Variants in FER observed in about 807,000 individuals in gnomAD.
FER encodes the protein tyrosine-protein kinase Fer.
A neutral mutation model predicts 111.0 loss-of-function variants in FER; 63 were observed. That is an observed-to-expected ratio of 0.57 (90% CI 0.46 to 0.70). The LOEUF (loss-of-function observed/expected upper bound fraction) is 0.70. FER is among the 30% of genes least tolerant of loss of function. FER has a pLI of 0.00. For missense variants in FER, 914 were observed against 954.0 expected (o/e 0.96, Z 0.55); for synonymous variants, 327 against 313.9 (o/e 1.04, Z -0.44).
chr5:109,067,255 TTGTTGTTGC>T lies in FER; in HGVS notation c.1924+20063_1924+20071del, dbSNP rs1346049298. 6.6e-5 allele frequency among the ~76,000 whole-genome samples: 10 copies of T among 151,764 alleles called. No homozygotes were observed. The South Asian group carries it at 8.3e-4, about 13-fold the overall frequency. ...GTTGTTGTTGTTGTTGTTGTTGTTG[TTGTTGTTGC>T]TGTTGCTGCTGCTGCTGCTGTTTTT... On this transcript the variant is annotated intron_variant, in intron 16 of 19. Coordinates refer to ENST00000281092, the MANE Select transcript of FER (RefSeq NM_005246.4).
chr5:108,987,611 G>A (rs1327491395), intron 13 of FER, among the ~76,000 whole-genome samples: 3 of 152,094 alleles, frequency 2.0e-5, no homozygotes, highest in Admixed American at 6.6e-5. Context: ...GTTGGTGTGT[G>A]GAAGAGCTAC....
At chr5:108,971,179 T>C (rs1760604611) in intron 13 of FER, among the ~76,000 whole-genome samples, 1 of 145,792 alleles carries the variant, frequency 6.9e-6, no homozygotes, top group Admixed American at 7.4e-5. Flanking sequence ...AATGTTAAAA[T>C]AGGAGTAGAA....
chr5:108,802,495 T>G (rs1163013564), intron 3 of FER, among the ~76,000 whole-genome samples: 1 of 152,082 alleles, frequency 6.6e-6, no homozygotes, highest in East Asian at 1.9e-4. Context: ...TTTTTCAGCC[T>G]TTCCCCCCGT....
intron 10 of FER, among the ~76,000 whole-genome samples, chr5:108,945,459 G>A (rs1209441576): frequency 6.6e-6 from 1 of 151,768 alleles, no homozygotes; most frequent in African/African-American, 2.4e-5. Context: ...CCTTCATTAT[G>A]GTATATGATA....
At chr5:108,750,037 A>T (rs1750292950) in intron 1 of FER, among the ~76,000 whole-genome samples, 1 of 152,172 alleles carries the variant, frequency 6.6e-6, no homozygotes, top group Non-Finnish European at 1.5e-5. Context: ...AACCTTTTTA[A>T]TTCAGAAGTT....
chr5:108,973,158 C>A (rs1298616295), intron 13 of FER, among the ~76,000 whole-genome samples: 2 of 152,058 alleles, frequency 1.3e-5, no homozygotes, highest in Admixed American at 6.6e-5. Context: ...CCTGTATTAA[C>A]CCATTTGAAA....
chr5:109,042,334 C>A (rs776663821), intron 14 of FER, among the ~76,000 whole-genome samples: 6 of 152,110 alleles, frequency 3.9e-5, no homozygotes, highest in African/African-American at 1.4e-4. Context: ...TTCAGAATCT[C>A]AATTCTGTCA....
chr5:108,862,143 A>T (rs1763584300), intron 5 of FER, among the ~76,000 whole-genome samples: 1 of 152,202 alleles, frequency 6.6e-6, no homozygotes, highest in Non-Finnish European at 1.5e-5. Flanking sequence ...TTATTTTAAT[A>T]CAATAGATTC....
chr5:109,013,844 AT>A (rs1766657982), intron 13 of FER, among the ~76,000 whole-genome samples: 1 of 150,100 alleles, frequency 6.7e-6, no homozygotes, highest in Admixed American at 6.6e-5. Flanking sequence ...GATGGTGAGC[AT>A]TTTTTCATGT....
intron 17 of FER, among the ~76,000 whole-genome samples, chr5:109,122,575 T>C (rs1157147959): frequency 6.6e-6 from 1 of 152,040 alleles, no homozygotes; most frequent in Non-Finnish European, 1.5e-5. Flanking sequence ...TGTAAATATC[T>C]ATTAGGTCCA....
At chr5:108,794,535 C>CCG (rs1554066093) in intron 2 of FER, among the ~76,000 whole-genome samples, 26 of 139,238 alleles carry the variant, frequency 1.9e-4, no homozygotes, top group African/African-American at 6.0e-4. Flanking sequence ...CACCCCCCCC[C>CCG]CTCCCCGCAC....
At chr5:108,785,524 A>G in intron 2 of FER, 1 of 556,886 alleles carries the variant, frequency 1.8e-6, no homozygotes, top group Non-Finnish European at 3.6e-6. Context: ...ACCTGGTGTG[A>G]GTGTGGCAGG....
chr5:109,021,857 C>A (rs1767972899), intron 13 of FER, among the ~76,000 whole-genome samples: 1 of 151,852 alleles, frequency 6.6e-6, no homozygotes, highest in Non-Finnish European at 1.5e-5. Flanking sequence ...GAAGTAAAAT[C>A]CAAAAAATAC....
At chr5:109,136,438 A>G (rs1232720345) in intron 17 of FER, among the ~76,000 whole-genome samples, 1 of 152,220 alleles carries the variant, frequency 6.6e-6, no homozygotes, top group Non-Finnish European at 1.5e-5. Context: ...TATGTTTTAG[A>G]AATGTCTCCA....
At chr5:108,862,383 G>T (rs1051964893) in intron 5 of FER, among the ~76,000 whole-genome samples, 1 of 152,106 alleles carries the variant, frequency 6.6e-6, no homozygotes, top group Non-Finnish European at 1.5e-5. Context: ...TTTTACACCA[G>T]CTAGAAAGAC....
intron 5 of FER, among the ~76,000 whole-genome samples, chr5:108,848,097 C>G (rs897038406): frequency 1.3e-5 from 2 of 152,144 alleles, no homozygotes; most frequent in Non-Finnish European, 2.9e-5. Context: ...CTAGGCTAAT[C>G]TCAAACCCCT....
At chr5:109,169,724 A>G (rs1460019404) in intron 17 of FER, among the ~76,000 whole-genome samples, 2 of 152,204 alleles carry the variant, frequency 1.3e-5, no homozygotes, top group African/African-American at 4.8e-5. Flanking sequence ...TTTTGTGATG[A>G]TATGCCAGAT....
chr5:108,767,993 C>T (rs1324609463), intron 1 of FER, 100 bp from the exon 2 acceptor site: 2 of 152,146 alleles, frequency 1.3e-5, no homozygotes, highest in East Asian at 1.9e-4. Flanking sequence ...CATAAGCTGT[C>T]ACAGTTAATT....
At chr5:109,170,482 C>G (rs1173656916) in intron 17 of FER, among the ~76,000 whole-genome samples, 1 of 152,068 alleles carries the variant, frequency 6.6e-6, no homozygotes, top group Non-Finnish European at 1.5e-5. Context: ...AGCCACTTAC[C>G]AGCTATGTGA....
Sources: gnomAD v4.1 joint callset for allele counts (sites outside exome capture counted in the v4.1 genomes callset) on GRCh38, gnomAD v4.1.1 for gene constraint, MANE v1.5 for transcripts, NCBI Gene and HGNC (gene_info 2026-07-23, HGNC 2026-07-21) for gene names.